AKAP19: variants seen among roughly 807,000 people sequenced by gnomAD.
The protein encoded by AKAP19 is small A-kinase anchoring protein.
At chr2:190,084,381 C>G in the AKAP19 span, among the ~76,000 whole-genome samples, 1 of 152,154 alleles carries the variant, frequency 6.6e-6, no homozygotes, top group Non-Finnish European at 1.5e-5. Flanking sequence ...GCATGAGCCA[C>G]CTTGCCCAGC....
At chr2:189,883,294 C>T in the AKAP19 span, among the ~76,000 whole-genome samples, 2 of 152,214 alleles carry the variant, frequency 1.3e-5, no homozygotes, top group South Asian at 4.1e-4. Flanking sequence ...TCAAAGTTCC[C>T]CTAACAGTCA....
At chr2:189,999,177 G>A in the AKAP19 span, among the ~76,000 whole-genome samples, 1 of 151,792 alleles carries the variant, frequency 6.6e-6, no homozygotes, top group Non-Finnish European at 1.5e-5. Context: ...AGAAATTTAG[G>A]TTATGGATTT....
the AKAP19 span, chr2:190,199,586 C>T: frequency 4.2e-6 from 2 of 473,006 alleles, no homozygotes; most frequent in South Asian, 7.2e-5. Context: ...TTGTTTTTAC[C>T]TCAGATTTCT....
chr2:190,104,031 C>A, the AKAP19 span, among the ~76,000 whole-genome samples: 1 of 152,102 alleles, frequency 6.6e-6, no homozygotes, highest in African/African-American at 2.4e-5. Context: ...GAAATAAAGC[C>A]TCACACCTAC....
the AKAP19 span, chr2:190,199,992 CAA>C: frequency 3.8e-5 from 61 of 1,614,020 alleles, no homozygotes; most frequent in South Asian, 6.7e-4. Flanking sequence ...CAGTTAATGT[CAA>C]AGAGGAAGTG....
the AKAP19 span, among the ~76,000 whole-genome samples, chr2:190,148,533 G>A: frequency 2.6e-5 from 4 of 152,244 alleles, no homozygotes; most frequent in African/African-American, 7.2e-5. Context: ...AATGAATTAG[G>A]GAGGGTTCCT....
chr2:190,065,016 C>G, the AKAP19 span, among the ~76,000 whole-genome samples: 1 of 152,158 alleles, frequency 6.6e-6, no homozygotes, highest in Non-Finnish European at 1.5e-5. Flanking sequence ...AAATTTGAGT[C>G]CTATCTGACG....
the AKAP19 span, among the ~76,000 whole-genome samples, chr2:190,126,640 A>G: frequency 6.6e-6 from 1 of 152,182 alleles, no homozygotes; most frequent in Admixed American, 6.5e-5. Context: ...ACTTATCTAC[A>G]ATAACTCTTG....
chr2:190,121,444 T>C, the AKAP19 span, among the ~76,000 whole-genome samples: 1 of 152,188 alleles, frequency 6.6e-6, no homozygotes, highest in African/African-American at 2.4e-5. Context: ...TTTTGATAGC[T>C]ATCTACCCCC....
At chr2:190,156,211 A>G in the AKAP19 span, among the ~76,000 whole-genome samples, 2 of 152,264 alleles carry the variant, frequency 1.3e-5, no homozygotes, top group African/African-American at 4.8e-5. Flanking sequence ...TATTTCAGTT[A>G]AAAGGAGAAA....
the AKAP19 span, among the ~76,000 whole-genome samples, chr2:190,087,211 A>C: frequency 6.6e-6 from 1 of 152,220 alleles, no homozygotes; most frequent in Non-Finnish European, 1.5e-5. Context: ...TTGTCAATAG[A>C]TTATTCTACC....
the AKAP19 span, among the ~76,000 whole-genome samples, chr2:189,995,975 G>C: frequency 6.6e-6 from 1 of 152,148 alleles, no homozygotes; most frequent in Non-Finnish European, 1.5e-5. Flanking sequence ...CTGTTAATCT[G>C]ATAAATTTTC....
At chr2:190,042,318 G>A in the AKAP19 span, among the ~76,000 whole-genome samples, 1 of 152,098 alleles carries the variant, frequency 6.6e-6, no homozygotes, top group African/African-American at 2.4e-5. Context: ...AGTATTTGTA[G>A]TAGTTTCTGA....
the AKAP19 span, among the ~76,000 whole-genome samples, chr2:190,167,254 C>G: frequency 7.9e-5 from 12 of 152,048 alleles, 1 homozygote; most frequent in Admixed American, 1.3e-4. Flanking sequence ...GGAAACTCCC[C>G]TTTTTAAAAC....
At chr2:189,959,050 G>A in the AKAP19 span, among the ~76,000 whole-genome samples, 1 of 152,038 alleles carries the variant, frequency 6.6e-6, no homozygotes, top group South Asian at 2.1e-4. Flanking sequence ...GGGGTACACA[G>A]GACTTCAATT....
chr2:190,150,602 G>A, the AKAP19 span, among the ~76,000 whole-genome samples: 2 of 152,138 alleles, frequency 1.3e-5, no homozygotes, highest in African/African-American at 4.8e-5. Context: ...CCTTCAGAGG[G>A]TGTGTGGGCC....
chr2:190,002,286 C>T, the AKAP19 span, among the ~76,000 whole-genome samples: 4 of 152,110 alleles, frequency 2.6e-5, no homozygotes, highest in Non-Finnish European at 4.4e-5. Flanking sequence ...ATTTGCTTTG[C>T]TTGTTATCTT....
At chr2:190,070,693 C>G in the AKAP19 span, among the ~76,000 whole-genome samples, 1 of 141,486 alleles carries the variant, frequency 7.1e-6, no homozygotes, top group Non-Finnish European at 1.5e-5. Context: ...ATGATTAAGA[C>G]CCAAAATCTA....
chr2:190,047,818 A>G, the AKAP19 span, among the ~76,000 whole-genome samples: 2 of 152,206 alleles, frequency 1.3e-5, no homozygotes, highest in African/African-American at 2.4e-5. Flanking sequence ...ATGTAATGAT[A>G]GGAGAAGTTT....
Sources: gnomAD v4.1 joint callset for allele counts (sites outside exome capture counted in the v4.1 genomes callset) on GRCh38, gnomAD v4.1.1 for gene constraint, MANE v1.5 for transcripts, NCBI Gene and HGNC (gene_info 2026-07-23, HGNC 2026-07-21) for gene names.